Variants in PCDHAC2 observed in about 807,000 individuals in gnomAD.
PCDHAC2 encodes protocadherin alpha subfamily C, 2.
PCDHAC2 carries 24 observed loss-of-function variants against 63.3 expected under a neutral mutation model. The observed-to-expected ratio is 0.38, with a 90% CI of 0.27 to 0.53. The LOEUF (loss-of-function observed/expected upper bound fraction) is 0.53, where lower values mean the gene tolerates loss of function less well. Ranked by LOEUF, PCDHAC2 falls within the 20% of genes least tolerant of loss-of-function variation. PCDHAC2 has a pLI of 0.81. For synonymous variants in PCDHAC2, 569 were observed against 529.4 expected (o/e 1.07, Z -1.03); for missense variants, 1,181 against 1,275.2 (o/e 0.93, Z 1.12).
chr5:140,986,625 C>T (rs1312536887), intron 3 of PCDHAC2, among the ~76,000 whole-genome samples: 2 of 152,122 alleles, frequency 1.3e-5, no homozygotes, highest in African/African-American at 4.8e-5. Flanking sequence ...TTACCTAAGG[C>T]AACAGTACAT....
intron 3 of PCDHAC2, among the ~76,000 whole-genome samples, chr5:141,008,842 T>C (rs1554261951): frequency 6.6e-6 from 1 of 152,214 alleles, no homozygotes; most frequent in East Asian, 1.9e-4. Context: ...TCTTACGCTG[T>C]GTATTCCCAT....
Position 140,968,477 on chromosome 5 carries a change from G to T in PCDHAC2, c.1711G>T (p.Asp571Tyr). 6.2e-7 allele frequency: 1 copy of T among 1,614,112 alleles called. No individual in the cohort carries two copies. Among genetic ancestry groups the T allele is most frequent in the Non-Finnish European group, 8.5e-7 (1 of 1,180,032 alleles). ...TGTGACTGCCAACGTATATGTGGTGGACATGAATGACCATGCCCCTCACAT... is the reference window on the plus strand; with the variant it reads ...TGTGACTGCCAACGTATATGTGGTGTACATGAATGACCATGCCCCTCACAT... The part of the protein sequence containing the change: ...STVTANVYVV[D>Y]MNDHAPHILY... The change falls in exon 1 of 4, where the codon GAC becomes TAC. Residue 571 changes from aspartate (D) to tyrosine (Y), a missense_variant. Transcript: ENST00000289269.
In PCDHAC2 at chr5:140,987,225, A is replaced by T. The variant is rs182444933; in HGVS notation, c.2713+4662A>T. On this transcript the variant is annotated intron_variant, in intron 3 of 3. Transcript: ENST00000289269. Reference sequence around the variant, plus strand: ...TGAGACTCCATCTCAAAAAAAAAAAAAATAATAAATAAAGAAAGAAAGACA... The same window carrying T: ...TGAGACTCCATCTCAAAAAAAAAAATAATAATAAATAAAGAAAGAAAGACA... 6.5e-3 allele frequency among the ~76,000 whole-genome samples: 935 copies of T among 143,134 alleles called. 9 individuals carry two copies. Among genetic ancestry groups the T allele is most frequent in the African/African-American group, 0.025 (815 of 32,962 alleles). The allele number at this position is 143,134 out of a possible 152,430, so 93.9% of individuals were successfully genotyped here. A position where few individuals can be genotyped will look rare whatever the true frequency, so the allele number is the denominator to read the frequency against.
In PCDHAC2 at chr5:140,982,550, C is replaced by T. The variant is rs1554244485; in HGVS notation, c.2700C>T (p.Ser900=). ...CTGATCAGCAGTGGCCAACAGTATC[C>T]AGTGCAACACCAGGTAAAGAGCTGG... The part of the protein sequence containing the change: ...GGPDQQWPTV[S]SATPEPEAGE... The change falls in exon 3 of 4, where the codon TCC becomes TCT. Residue 900 remains serine, a synonymous_variant. Transcript: ENST00000289269. The T allele has an allele frequency of 6.2e-7, 1 of 1,614,176 alleles. No homozygotes were observed. The highest frequency in any genetic ancestry group is 1.7e-5 in the Admixed American group (1 of 60,028).
chr5:140,980,824 A>G (rs2096907010), intron 2 of PCDHAC2, among the ~76,000 whole-genome samples: 1 of 152,192 alleles, frequency 6.6e-6, no homozygotes, highest in Non-Finnish European at 1.5e-5. Flanking sequence ...ATATTAAATG[A>G]GTTGTGAACC....
In PCDHAC2 at chr5:140,978,971, G is replaced by C. The variant is rs782774245; in HGVS notation, c.2588G>C (p.Trp863Ser). Residue 863 changes from tryptophan (W) to serine (S), a missense_variant, in exon 2 of 4, where the codon TGG (tryptophan) becomes TCG (serine). Trp to Ser is a radical substitution (Grantham distance 177). Transcript: ENST00000289269. ...CAGCCACGACAGCCCAACCCTGACT[G>C]GCGTTACTCTGCCTCCCTGAGAGCA... is the stretch of plus-strand genomic sequence containing the variant. ...QNEPRQPNPD[W>S]RYSASLRAGM... 6.2e-7 allele frequency: 1 copy of C among 1,614,170 alleles called. No homozygotes were observed. The highest frequency in any genetic ancestry group is 2.2e-5 in the East Asian group (1 of 44,882).
rs1554263795 is a variant in PCDHAC2 at position 141,012,061 on chromosome 5, C to T, written c.*2124C>T. 1 of 153,730 alleles carries T rather than the reference C, an allele frequency of 6.5e-6. No homozygotes were observed. The highest frequency in any genetic ancestry group is 1.9e-4 in the East Asian group (1 of 5,194). The allele number at this position is 153,730 out of a possible 1,614,324, so 9.5% of individuals were successfully genotyped here. A position where few individuals can be genotyped will look rare whatever the true frequency, so the allele number is the denominator to read the frequency against. The stretch of plus-strand genomic sequence containing the variant: ...CATGGGGTAAAACTTGTTACCAACA[C>T]ATGTGAACCATTGCTACATTGTAGG... On this transcript the variant is annotated 3_prime_UTR_variant, in exon 4 of 4. Coordinates refer to ENST00000289269, the MANE Select transcript of PCDHAC2 (RefSeq NM_018899.6).
chr5:140,992,377 A>T (rs1258714441), intron 3 of PCDHAC2, among the ~76,000 whole-genome samples: 1 of 152,150 alleles, frequency 6.6e-6, no homozygotes, highest in African/African-American at 2.4e-5. Flanking sequence ...CCATTACATT[A>T]TTGTGTTCTG....
At chr5:140,976,338 G>A (rs1554237535) in intron 1 of PCDHAC2, among the ~76,000 whole-genome samples, 1 of 152,018 alleles carries the variant, frequency 6.6e-6, no homozygotes, top group Non-Finnish European at 1.5e-5. Flanking sequence ...ATTGCCTGAG[G>A]TCAGGTGTTC....
chr5:140,991,033 TACTTA>T (rs567583919), intron 3 of PCDHAC2, among the ~76,000 whole-genome samples: 53 of 152,330 alleles, frequency 3.5e-4, no homozygotes, highest in African/African-American at 1.3e-3. Context: ...ATATGTTGCA[TACTTA>T]ACTTTGAGAG....
At chr5:141,006,704 A>G (rs2098283751) in intron 3 of PCDHAC2, among the ~76,000 whole-genome samples, 1 of 152,128 alleles carries the variant, frequency 6.6e-6, no homozygotes, top group Non-Finnish European at 1.5e-5. Context: ...GAGTCAAGAT[A>G]TATTTAGGAG....
At chr5:140,992,205 T>C (rs2097498733) in intron 3 of PCDHAC2, among the ~76,000 whole-genome samples, 1 of 152,186 alleles carries the variant, frequency 6.6e-6, no homozygotes, top group South Asian at 2.1e-4. Flanking sequence ...TCCAATCAGA[T>C]AAACTACTCT....
chr5:140,993,001 TC>T (rs1554253322), intron 3 of PCDHAC2, among the ~76,000 whole-genome samples: 4 of 152,124 alleles, frequency 2.6e-5, no homozygotes, highest in Admixed American at 2.6e-4. Context: ...TGAAAGAGCC[TC>T]CCCAGAGTCC....
intron 2 of PCDHAC2, 38 bp from the exon 3 acceptor site, chr5:140,982,437 A>G: frequency 6.2e-7 from 1 of 1,613,390 alleles, no homozygotes; most frequent in East Asian, 2.2e-5. Flanking sequence ...GAAAGAATTT[A>G]TGATCTAACC....
Position 140,967,757 on chromosome 5 carries a change from T to C in PCDHAC2, c.991T>C (p.Tyr331His). 6.2e-7 allele frequency: 1 copy of C among 1,614,216 alleles called. No individual in the cohort carries two copies. Among genetic ancestry groups the C allele is most frequent in the Non-Finnish European group, 8.5e-7 (1 of 1,180,040 alleles). The stretch of plus-strand genomic sequence containing the variant: ...GCTGGATTATGAGGAAGCCTCCTCC[T>C]ACCAGATCTATGTGCAGGCGACTGA... Reference protein sequence around the residue: ...GGLDYEEASSYQIYVQATDRG... With the variant: ...GGLDYEEASSHQIYVQATDRG... Residue 331 changes from tyrosine (Y) to histidine (H), a missense_variant, in exon 1 of 4, where the codon TAC becomes CAC. Physicochemically the swap from Tyr to His is moderately conservative, Grantham distance 83. Around this residue, in one of 3 missense-constraint regions of PCDHAC2, gnomAD observed 968 missense variants for 1,073.5 expected, o/e 0.90. Transcript: ENST00000289269.
intron 3 of PCDHAC2, among the ~76,000 whole-genome samples, chr5:140,992,118 G>C (rs1554252679): frequency 1.3e-5 from 2 of 151,650 alleles, no homozygotes; most frequent in Non-Finnish European, 2.9e-5. Flanking sequence ...ATGTGTCATG[G>C]AAGAACAGTG....
At chr5:140,978,694 G>A (rs1184051557) in intron 1 of PCDHAC2, among the ~76,000 whole-genome samples, 1 of 152,258 alleles carries the variant, frequency 6.6e-6, no homozygotes, top group African/African-American at 2.4e-5. Context: ...GCAAGGCAAA[G>A]CCAAAGGTGG....
chr5:141,007,395 C>CAAAAAAAAAAAAAAAAAAAAAAAAAAA (rs35800918), intron 3 of PCDHAC2, among the ~76,000 whole-genome samples: 1 of 94,866 alleles, frequency 1.1e-5, no homozygotes, highest in Non-Finnish European at 2.1e-5. Context: ...TACTAAAATA[C>CAAAAAAAAAAAAAAAAAAAAAAAAAAA]AAAAAAAAAA....
At chr5:140,995,946 C>A (rs2097705145) in intron 3 of PCDHAC2, among the ~76,000 whole-genome samples, 1 of 152,192 alleles carries the variant, frequency 6.6e-6, no homozygotes, top group South Asian at 2.1e-4. Flanking sequence ...TGACATAATG[C>A]ACGCAAAATG....
Sources: allele counts gnomAD v4.1 joint callset (sites outside exome capture counted in the v4.1 genomes callset), GRCh38; gene constraint gnomAD v4.1.1; regional missense constraint gnomAD v4.1.1; transcripts MANE v1.5; gene names NCBI Gene and HGNC (gene_info 2026-07-23, HGNC 2026-07-21).